Variants in CACNA1C observed in about 807,000 individuals in gnomAD.
CACNA1C encodes the protein voltage-dependent L-type calcium channel subunit alpha-1C.
In CACNA1C, 30 loss-of-function variants were observed where a neutral mutation model predicts 229.0. That is an observed-to-expected ratio of 0.13 (90% CI 0.10 to 0.18). The LOEUF is 0.18. CACNA1C is among the 10% of genes least tolerant of loss of function. The probability of loss-of-function intolerance (pLI) is 1.00; values close to 1 mark genes in which losing one functional copy is unlikely to be tolerated. For synonymous variants in CACNA1C, 1,114 were observed against 1,132.5 expected, an observed-to-expected ratio of 0.98 and a Z score of 0.33; for missense variants, 1,658 against 2,845.0, an observed-to-expected ratio of 0.58 and a Z score of 9.49.
At chr12:2,177,833 T>G (rs1301233851) in intron 3 of CACNA1C, among the ~76,000 whole-genome samples, 1 of 151,868 alleles carries the variant, frequency 6.6e-6, no homozygotes, top group African/African-American at 2.4e-5. Context: ...GATGGGATTT[T>G]GCCATGTTGG....
intron 29 of CACNA1C, among the ~76,000 whole-genome samples, chr12:2,622,063 G>A (rs1190246147): frequency 6.6e-6 from 1 of 152,108 alleles, no homozygotes; most frequent in African/African-American, 2.4e-5. Flanking sequence ...GAAGGAAAGG[G>A]GTCTGGAGGC....
At chr12:2,124,172 T>C (rs2088768433) in intron 3 of CACNA1C, among the ~76,000 whole-genome samples, 1 of 151,440 alleles carries the variant, frequency 6.6e-6, no homozygotes, top group Non-Finnish European at 1.5e-5. Context: ...CAAACATCTA[T>C]ACCAACAGAT....
intron 18 of CACNA1C, among the ~76,000 whole-genome samples, chr12:2,586,521 T>C (rs1176636769): frequency 6.6e-6 from 1 of 152,238 alleles, no homozygotes; most frequent in Non-Finnish European, 1.5e-5. Context: ...TGAAATCCCA[T>C]ACCCTGTGCA....
intron 1 of CACNA1C, among the ~76,000 whole-genome samples, chr12:2,075,387 T>A (rs1344379251): frequency 6.6e-6 from 1 of 152,136 alleles, no homozygotes; most frequent in Non-Finnish European, 1.5e-5. Context: ...ACCTCTTACA[T>A]TTTACACTTT....
chr12:2,446,820 A>C (rs1039952210), intron 3 of CACNA1C, among the ~76,000 whole-genome samples: 19 of 147,478 alleles, frequency 1.3e-4, no homozygotes, highest in African/African-American at 4.8e-4. Context: ...GGATGAATAG[A>C]TGGGTGAATG....
At chr12:2,232,227 G>GTTTTTTTTTTTTTTTTTTT (rs1169407536) in intron 3 of CACNA1C, among the ~76,000 whole-genome samples, 30 of 73,568 alleles carry the variant, frequency 4.1e-4, no homozygotes, top group South Asian at 5.6e-4. Context: ...GTCTTTCCTT[G>GTTTTTTTTTTTTTTTTTTT]TTTTTTTTTT....
intron 3 of CACNA1C, among the ~76,000 whole-genome samples, chr12:2,442,474 G>A (rs2099238179): frequency 6.6e-6 from 1 of 152,168 alleles, no homozygotes; most frequent in African/African-American, 2.4e-5. Flanking sequence ...TGGTAGAAAG[G>A]AAGAAGACAG....
intron 3 of CACNA1C, among the ~76,000 whole-genome samples, chr12:2,366,731 C>T (rs1440156954): frequency 6.6e-6 from 1 of 152,122 alleles, no homozygotes; most frequent in Non-Finnish European, 1.5e-5. Flanking sequence ...AAAGAACTAC[C>T]TGAGACTTAG....
rs1241753876 is a variant in CACNA1C, at chr12:2,491,958, C to A, written c.917-1232C>A. Among the ~76,000 whole-genome samples the A allele has an allele frequency of 3.5e-5, 4 of 115,694 alleles. No homozygotes were observed. In the South Asian group the frequency reaches 1.2e-3, roughly 34 times the overall value. The allele number at this position is 115,694 out of a possible 152,430, so 75.9% of individuals were successfully genotyped here. Reference sequence around the variant, plus strand: ...TTGTCTCTAAATGAAGAACTATAAGCAAATTCTCTCTCTCTCTCTCTCTCT... The same window carrying A: ...TTGTCTCTAAATGAAGAACTATAAGAAAATTCTCTCTCTCTCTCTCTCTCT... On this transcript the variant is annotated intron_variant, in intron 6 of 46. Transcript: ENST00000399655.
intron 1 of CACNA1C, among the ~76,000 whole-genome samples, chr12:2,087,394 A>T (rs928886080): frequency 6.6e-6 from 1 of 152,202 alleles, no homozygotes; most frequent in African/African-American, 2.4e-5. Flanking sequence ...TTTAGAGATA[A>T]TTAGAGAACT....
intron 3 of CACNA1C, among the ~76,000 whole-genome samples, chr12:2,175,822 A>G (rs2096629020): frequency 6.6e-6 from 1 of 152,168 alleles, no homozygotes; most frequent in African/African-American, 2.4e-5. Context: ...CTTTCTCATC[A>G]CTTACCGGCT....
At chr12:2,202,669 G>A (rs865971651) in intron 3 of CACNA1C, among the ~76,000 whole-genome samples, 12 of 152,170 alleles carry the variant, frequency 7.9e-5, no homozygotes, top group South Asian at 4.1e-4. Flanking sequence ...AACAGCCACA[G>A]AGGAGAAGAG....
chr12:2,347,056 G>C (rs11830461), intron 3 of CACNA1C, among the ~76,000 whole-genome samples: 1 of 152,154 alleles, frequency 6.6e-6, no homozygotes, highest in Non-Finnish European at 1.5e-5. Flanking sequence ...TCACACCGCA[G>C]TTTTAGCCTG....
At chr12:2,444,525 C>G (rs1008344931) in intron 3 of CACNA1C, among the ~76,000 whole-genome samples, 1 of 152,108 alleles carries the variant, frequency 6.6e-6, no homozygotes, top group Non-Finnish European at 1.5e-5. Context: ...TCTGCACACT[C>G]TCCTCGTTCA....
chr12:2,412,035 C>A (rs955358655), intron 3 of CACNA1C, among the ~76,000 whole-genome samples: 3 of 152,040 alleles, frequency 2.0e-5, no homozygotes, highest in Admixed American at 2.0e-4. Flanking sequence ...CCTGGCTCCC[C>A]ACGCCCAAGA....
intron 3 of CACNA1C, among the ~76,000 whole-genome samples, chr12:2,391,901 G>A (rs932828274): frequency 6.6e-6 from 1 of 152,180 alleles, no homozygotes; most frequent in Non-Finnish European, 1.5e-5. Context: ...TGTGTATCAG[G>A]TGCTCAGCTG....
At chr12:2,527,335 G>C (rs765690172) in intron 9 of CACNA1C, among the ~76,000 whole-genome samples, 11 of 152,130 alleles carry the variant, frequency 7.2e-5, no homozygotes, top group Middle Eastern at 3.2e-3. Flanking sequence ...TGTGTCTTTT[G>C]CTTGAAGTAA....
intron 6 of CACNA1C, among the ~76,000 whole-genome samples, chr12:2,491,974 CTCTCT>C (rs2099736133): frequency 6.6e-6 from 1 of 150,744 alleles, no homozygotes; most frequent in African/African-American, 2.5e-5. Context: ...CTCTCTCTCT[CTCTCT>C]CTCTCTCTCT....
chr12:2,628,368 A>G (rs1404810017), intron 29 of CACNA1C, among the ~76,000 whole-genome samples: 1 of 152,240 alleles, frequency 6.6e-6, no homozygotes, highest in Non-Finnish European at 1.5e-5. Flanking sequence ...GACAACCTGC[A>G]CCCTGTCGCC....
Sources: allele counts gnomAD v4.1 joint callset (sites outside exome capture counted in the v4.1 genomes callset), GRCh38; gene constraint gnomAD v4.1.1; transcripts MANE v1.5; gene names NCBI Gene and HGNC (gene_info 2026-07-23, HGNC 2026-07-21).